The following SLC16A9 variants were observed in gnomAD, a reference collection of about 807,000 sequenced individuals.
The protein encoded by SLC16A9 is solute carrier family 16 member 9, also known as monocarboxylate transporter 9.
SLC16A9 carries 26 observed loss-of-function variants against 44.3 expected under a neutral mutation model. That is an observed-to-expected ratio of 0.59 (90% CI 0.43 to 0.81). SLC16A9 has a LOEUF of 0.81. Among genes scored for constraint, SLC16A9 ranks in the 40% least tolerant of loss-of-function variants. SLC16A9 has a pLI of 0.00. For synonymous variants in SLC16A9, 230 were observed against 225.1 expected (o/e 1.02, Z -0.19); for missense variants, 559 against 595.8 (o/e 0.94, Z 0.64).
intron 2 of SLC16A9, among the ~76,000 whole-genome samples, chr10:59,675,091 C>T (rs796121607): frequency 6.6e-6 from 1 of 152,080 alleles, no homozygotes; most frequent in Non-Finnish European, 1.5e-5. Context: ...TTTCACATTG[C>T]CATCTGCTGC....
intron 3 of SLC16A9, among the ~76,000 whole-genome samples, chr10:59,670,953 G>A (rs1839736039): frequency 6.6e-6 from 1 of 152,078 alleles, no homozygotes; most frequent in South Asian, 2.1e-4. Context: ...AATAATTACG[G>A]TGGTGAGAGA....
In SLC16A9 at chr10:59,693,924, T is replaced by TTTAC. The variant is rs1840309703; in HGVS notation, c.-36-9601_-36-9598dup. 9.9e-5 allele frequency among the ~76,000 whole-genome samples: 12 copies of TTTAC among 120,622 alleles called. 1 individual carries two copies. In the South Asian group the frequency reaches 2.8e-3, roughly 28 times the overall value. The allele number at this position is 120,622 out of a possible 152,430, so 79.1% of individuals were successfully genotyped here. ...GAGCCACTGCACCCGGCCTTTTAAT[T>TTTAC]TTACTTATTTATTTATTTATTTATT... is the stretch of plus-strand genomic sequence containing the variant. On this transcript the variant is annotated intron_variant, in intron 1 of 5. Coordinates refer to ENST00000395348, the MANE Select transcript of SLC16A9 (RefSeq NM_194298.3).
At chr10:59,707,221 A>G (rs1216955076) in intron 1 of SLC16A9, among the ~76,000 whole-genome samples, 19 of 142,606 alleles carry the variant, frequency 1.3e-4, no homozygotes. Context: ...GAGAGAAGAG[A>G]GAGAAGAAAA....
At chr10:59,679,628 G>T (rs1467729844) in intron 2 of SLC16A9, among the ~76,000 whole-genome samples, 5 of 152,180 alleles carry the variant, frequency 3.3e-5, no homozygotes, top group African/African-American at 1.2e-4. Flanking sequence ...AAAGTTAAGT[G>T]ACTATGCACT....
At chr10:59,685,745 G>C (rs1048106549) in intron 1 of SLC16A9, among the ~76,000 whole-genome samples, 2 of 152,176 alleles carry the variant, frequency 1.3e-5, no homozygotes, top group Admixed American at 6.5e-5. Context: ...AAATCCAAAA[G>C]AGGAATTGCT....
rs1554874045 is a variant in SLC16A9 at position 59,694,801 on chromosome 10, A to AATATATATATATATAT, written c.-36-10490_-36-10475dup. ...GGTAACAGAGCGAGACTCCATCTCA[A>AATATATATATATATAT]ATATATATATATATATACACACACA... On this transcript the variant is annotated intron_variant, in intron 1 of 5. Coordinates refer to ENST00000395348, the MANE Select transcript of SLC16A9 (RefSeq NM_194298.3). Among the ~76,000 whole-genome samples the AATATATATATATATAT allele has an allele frequency of 3.4e-3, 244 of 72,468 alleles. 22 individuals carry two copies. The highest frequency in any genetic ancestry group is 8.9e-3 in the Middle Eastern group (1 of 112). 47.5% of individuals were successfully genotyped at this position (72,468 alleles called of 152,430 possible).
At chr10:59,662,306 CAAAA>C (rs2132420393) in intron 4 of SLC16A9, among the ~76,000 whole-genome samples, 1 of 151,090 alleles carries the variant, frequency 6.6e-6, no homozygotes, top group African/African-American at 2.4e-5. Context: ...AAAAACCCAT[CAAAA>C]AGTGGTGAAG....
intron 1 of SLC16A9, among the ~76,000 whole-genome samples, chr10:59,689,565 C>A (rs1055582054): frequency 6.6e-6 from 1 of 152,192 alleles, no homozygotes; most frequent in Non-Finnish European, 1.5e-5. Context: ...GTTTATGGAT[C>A]CCCATGAAAG....
intron 1 of SLC16A9, among the ~76,000 whole-genome samples, chr10:59,706,080 A>G (rs1171619): frequency 0.81 from 122,545 of 152,124 alleles, 49,560 homozygotes; most frequent in East Asian, 1. Context: ...AAATTGCTAC[A>G]CCCACCCCAC....
chr10:59,710,038 G>A (rs1019419356), upstream of SLC16A9: 2 of 152,190 alleles, frequency 1.3e-5, no homozygotes, highest in Non-Finnish European at 2.9e-5. Flanking sequence ...AAAGCCACGA[G>A]AGAGGTGGGC....
intron 1 of SLC16A9, among the ~76,000 whole-genome samples, chr10:59,703,213 C>T (rs1385910339): frequency 6.6e-6 from 1 of 152,068 alleles, no homozygotes; most frequent in Non-Finnish European, 1.5e-5. Flanking sequence ...CCTTGACCTC[C>T]CAAGCTCAAA....
intron 1 of SLC16A9, among the ~76,000 whole-genome samples, chr10:59,694,831 C>T (rs371494739): frequency 0.023 from 1,772 of 76,828 alleles, 57 homozygotes; most frequent in African/African-American, 0.064. Flanking sequence ...CACACACACA[C>T]ACATATATAT....
chr10:59,672,805 A>T lies in SLC16A9; in HGVS notation c.305T>A (p.Ile102Asn). The stretch of plus-strand genomic sequence containing the variant: ...GCCATAGGAAAAAAACAGAAAGTAG[A>T]TATTGGGAGCAAAACTGCTCAACAT... ...GLMLSSFAPN[I>N]YFLFFSYGIV... Residue 102 changes from isoleucine to asparagine, a missense_variant, in exon 3 of 6, where the codon ATC (isoleucine) becomes AAC (asparagine). Transcript: ENST00000395348. The T allele has an allele frequency of 6.2e-7, 1 of 1,613,832 alleles. No homozygotes were observed. Among genetic ancestry groups the T allele is most frequent in the Non-Finnish European group, 8.5e-7 (1 of 1,179,842 alleles).
intron 4 of SLC16A9, among the ~76,000 whole-genome samples, chr10:59,660,826 C>G (rs947012401): frequency 5.3e-5 from 8 of 152,300 alleles, no homozygotes; most frequent in Admixed American, 2.0e-4. Context: ...GGCTTCATCC[C>G]TGGGATGCAA....
intron 2 of SLC16A9, among the ~76,000 whole-genome samples, chr10:59,674,555 A>G (rs966514743): frequency 6.6e-6 from 1 of 152,198 alleles, no homozygotes; most frequent in Non-Finnish European, 1.5e-5. Flanking sequence ...TTTATCATCC[A>G]ATAGTTGGGC....
chr10:59,650,905 C>T lies in SLC16A9; in HGVS notation c.*1867G>A, dbSNP rs1311277992. ...AGCATTGATGAATATGAAGATGTCA[C>T]ATCAAAGTCAAACTTTTTCAGGTTA... On this transcript the variant is annotated 3_prime_UTR_variant, in exon 6 of 6. Transcript: ENST00000395348. The T allele has an allele frequency of 3.3e-5, 5 of 152,006 alleles. No individual in the cohort carries two copies. The highest frequency in any genetic ancestry group is 5.9e-5 in the Non-Finnish European group (4 of 68,024). 9.4% of individuals were successfully genotyped at this position (152,006 alleles called of 1,614,324 possible). A position where few individuals can be genotyped will look rare whatever the true frequency, so the allele number is the denominator to read the frequency against.
chr10:59,653,265 C>T (rs955664627), intron 5 of SLC16A9, among the ~76,000 whole-genome samples: 2 of 146,676 alleles, frequency 1.4e-5, no homozygotes, highest in East Asian at 3.9e-4. Flanking sequence ...TAAACAACAA[C>T]AACAAAAAAC....
chr10:59,653,446 G>C (rs1215482180), intron 5 of SLC16A9, among the ~76,000 whole-genome samples: 4 of 23,364 alleles, frequency 1.7e-4, no homozygotes, highest in Admixed American at 4.7e-4. Context: ...AAAAAAAAAA[G>C]CAGGCATTTT....
intron 4 of SLC16A9, among the ~76,000 whole-genome samples, chr10:59,660,831 A>T (rs1317818681): frequency 9.9e-5 from 15 of 152,220 alleles, no homozygotes; most frequent in Non-Finnish European, 1.9e-4. Context: ...CATCCCTGGG[A>T]TGCAAGGCTG....
Sources: allele counts gnomAD v4.1 joint callset (sites outside exome capture counted in the v4.1 genomes callset), GRCh38; gene constraint gnomAD v4.1.1; transcripts MANE v1.5; gene names NCBI Gene and HGNC (gene_info 2026-07-23, HGNC 2026-07-21).